CPA6: variants seen among roughly 807,000 people sequenced by gnomAD.
The protein encoded by CPA6 is carboxypeptidase B.
A neutral mutation model predicts 63.3 loss-of-function variants in CPA6; 58 were observed. The ratio of observed to expected loss-of-function variants is 0.92; its 90% CI spans 0.74 to 1.14. CPA6 has a LOEUF of 1.14. Ranked by LOEUF, CPA6 falls within the 50% of genes most tolerant of loss-of-function variation. CPA6 has a pLI of 0.00. For missense variants in CPA6, 565 were observed against 526.6 expected (o/e 1.07, Z -0.71); for synonymous variants, 185 against 179.0 (o/e 1.03, Z -0.27).
chr8:67,469,096 A>G (rs888867943), intron 8 of CPA6, among the ~76,000 whole-genome samples: 1 of 152,136 alleles, frequency 6.6e-6, no homozygotes, highest in Non-Finnish European at 1.5e-5. Flanking sequence ...GCGTATTTAT[A>G]TCTATCTATT....
At chr8:67,535,364 A>T (rs910925528) in intron 2 of CPA6, among the ~76,000 whole-genome samples, 1 of 152,134 alleles carries the variant, frequency 6.6e-6, no homozygotes, top group African/African-American at 2.4e-5. Context: ...CCTCTCCAGC[A>T]TCTGTTGTTT....
chr8:67,625,686 T>G (rs192584190), intron 1 of CPA6, among the ~76,000 whole-genome samples: 1 of 152,322 alleles, frequency 6.6e-6, no homozygotes, highest in East Asian at 1.9e-4. Context: ...ATTAATATTT[T>G]TCATAACTCT....
chr8:67,455,663 C>CGAAAAAA (rs1810655966), intron 8 of CPA6, among the ~76,000 whole-genome samples: 1 of 30,250 alleles, frequency 3.3e-5, no homozygotes, highest in African/African-American at 1.6e-4. Context: ...TCTACAAAAG[C>CGAAAAAA]AAAAAAAAAA....
intron 2 of CPA6, among the ~76,000 whole-genome samples, chr8:67,533,307 G>A (rs1812517111): frequency 6.6e-6 from 1 of 152,186 alleles, no homozygotes; most frequent in Non-Finnish European, 1.5e-5. Context: ...TCAGAGGCAA[G>A]TACAGTTATT....
In CPA6 at chr8:67,572,862, G is replaced by T. The variant is rs560646623; in HGVS notation, c.192+51314C>A. 1.6e-4 allele frequency among the ~76,000 whole-genome samples: 25 copies of T among 152,258 alleles called. No individual in the cohort carries two copies. In the South Asian group the frequency reaches 5.2e-3, roughly 32 times the overall value. ...AAAACTACAGACCAATATCTTTGAC[G>T]AATATAGACGCAGAAATCCTCAACA... On this transcript the variant is annotated intron_variant, in intron 2 of 10. Transcript: ENST00000297770.
At chr8:67,652,836 T>A (rs1289638057) in intron 1 of CPA6, among the ~76,000 whole-genome samples, 7 of 151,854 alleles carry the variant, frequency 4.6e-5, no homozygotes, top group Admixed American at 1.3e-4. Flanking sequence ...CTGAATGGTA[T>A]TGCCTAGGTT....
intron 8 of CPA6, among the ~76,000 whole-genome samples, chr8:67,459,868 T>C (rs954302157): frequency 6.6e-6 from 1 of 152,180 alleles, no homozygotes; most frequent in African/African-American, 2.4e-5. Context: ...TTTTATCCAT[T>C]GTAATACATG....
chr8:67,474,419 C>T (rs887604559), intron 8 of CPA6, among the ~76,000 whole-genome samples: 9 of 151,978 alleles, frequency 5.9e-5, no homozygotes, highest in Admixed American at 5.2e-4. Context: ...GATGGGGTTT[C>T]ACCATATTGG....
At chr8:67,554,700 TG>T (rs1563998227) in intron 2 of CPA6, among the ~76,000 whole-genome samples, 1 of 152,182 alleles carries the variant, frequency 6.6e-6, no homozygotes, top group African/African-American at 2.4e-5. Flanking sequence ...CCTGAGAGCC[TG>T]GGGGCTGTTG....
intron 2 of CPA6, among the ~76,000 whole-genome samples, chr8:67,534,612 C>T (rs1028156814): frequency 2.6e-5 from 4 of 152,204 alleles, no homozygotes; most frequent in Admixed American, 6.5e-5. Flanking sequence ...TTGGCAGTAT[C>T]AGGCAGTGCT....
intron 2 of CPA6, among the ~76,000 whole-genome samples, chr8:67,601,896 T>G (rs550159302): frequency 1.3e-4 from 20 of 152,300 alleles, no homozygotes; most frequent in African/African-American, 4.8e-4. Context: ...CTTGTACATA[T>G]GTGAAACAAC....
chr8:67,605,531 C>CTTTTTTTTTTTTTTTTTTTTTTTTTTTCT (rs68153641), intron 2 of CPA6, among the ~76,000 whole-genome samples: 1 of 125,268 alleles, frequency 8.0e-6, no homozygotes, highest in Non-Finnish European at 1.7e-5. Flanking sequence ...TATTGTATTG[C>CTTTTTTTTTTTTTTTTTTTTTTTTTTTCT]TTTTTTTTTT....
chr8:67,711,776 G>T (rs1444963600), intron 1 of CPA6, among the ~76,000 whole-genome samples: 2 of 152,034 alleles, frequency 1.3e-5, no homozygotes, highest in Non-Finnish European at 1.5e-5. Context: ...TCAGGATAAA[G>T]AGGGAGTCTA....
At chr8:67,430,510 GC>G (rs1258121204) in intron 9 of CPA6, among the ~76,000 whole-genome samples, 1 of 151,940 alleles carries the variant, frequency 6.6e-6, no homozygotes, top group Non-Finnish European at 1.5e-5. Context: ...AAAAAACATT[GC>G]CAGAAATACC....
At chr8:67,708,615 A>G (rs541686275) in intron 1 of CPA6, among the ~76,000 whole-genome samples, 27 of 152,310 alleles carry the variant, frequency 1.8e-4, no homozygotes, top group Admixed American at 1.6e-3. Context: ...GGAATGCAAC[A>G]GAGGTGAAAT....
chr8:67,433,983 A>T (rs892127657), intron 9 of CPA6, 55 bp downstream of exon 9: 1 of 1,248,936 alleles, frequency 8.0e-7, no homozygotes, highest in African/African-American at 1.5e-5. Flanking sequence ...GAACCATCTT[A>T]GCTTCAGAAA....
At chr8:67,692,392 T>G (rs757145890) in intron 1 of CPA6, among the ~76,000 whole-genome samples, 2 of 150,476 alleles carry the variant, frequency 1.3e-5, no homozygotes, top group Non-Finnish European at 3.0e-5. Flanking sequence ...GGAAGGCATA[T>G]CTCACTTGCT....
chr8:67,470,188 C>T (rs772285569), intron 8 of CPA6, among the ~76,000 whole-genome samples: 3 of 152,080 alleles, frequency 2.0e-5, no homozygotes, highest in Non-Finnish European at 4.4e-5. Context: ...CACCACCATG[C>T]CCAGCTAATT....
At chr8:67,467,734 G>A (rs778999671) in intron 8 of CPA6, among the ~76,000 whole-genome samples, 3 of 151,978 alleles carry the variant, frequency 2.0e-5, no homozygotes, top group South Asian at 2.1e-4. Flanking sequence ...CGGGCACGGC[G>A]GCTTATGCCT....
Sources: allele counts gnomAD v4.1 joint callset (sites outside exome capture counted in the v4.1 genomes callset), GRCh38; gene constraint gnomAD v4.1.1; transcripts MANE v1.5; gene names NCBI Gene and HGNC (gene_info 2026-07-23, HGNC 2026-07-21).